The following LYPLAL1 variants were observed in gnomAD, a reference collection of about 807,000 sequenced individuals.
LYPLAL1 encodes lysophospholipase-like protein 1.
In LYPLAL1, 23 loss-of-function variants were observed where a neutral mutation model predicts 19.7. That is an observed-to-expected ratio of 1.17 (90% CI 0.84 to 1.65). The LOEUF (loss-of-function observed/expected upper bound fraction) is 1.65. Among genes scored for constraint, LYPLAL1 ranks in the 40% most tolerant of loss-of-function variants. The probability of loss-of-function intolerance (pLI) is 0.00; values close to 1 mark genes in which losing one functional copy is unlikely to be tolerated. For missense variants in LYPLAL1, 355 were observed against 279.4 expected (o/e 1.27, Z -1.93); for synonymous variants, 119 against 96.3 (o/e 1.24, Z -1.38).
At chr1:219,208,049 G>A (rs1658712929) in intron 3 of LYPLAL1, among the ~76,000 whole-genome samples, 2 of 151,962 alleles carry the variant, frequency 1.3e-5, no homozygotes, top group Non-Finnish European at 2.9e-5. Flanking sequence ...TTAACAGTGT[G>A]TTTGATTTTA....
the LYPLAL1 span, among the ~76,000 whole-genome samples, chr1:219,330,331 C>T: frequency 8.5e-5 from 13 of 152,262 alleles, no homozygotes; most frequent in South Asian, 2.5e-3. Flanking sequence ...TTTAATGCTG[C>T]TCTACAAGCA....
the LYPLAL1 span, among the ~76,000 whole-genome samples, chr1:219,255,778 C>CT: frequency 6.6e-6 from 1 of 151,802 alleles, no homozygotes; most frequent in African/African-American, 2.4e-5. Flanking sequence ...TTCCTAGAAT[C>CT]TAAGAGTATT....
At chr1:219,355,577 A>G in the LYPLAL1 span, among the ~76,000 whole-genome samples, 1 of 152,216 alleles carries the variant, frequency 6.6e-6, no homozygotes, top group East Asian at 1.9e-4. Context: ...AGAGTAAGGA[A>G]TATTACCAGA....
the LYPLAL1 span, among the ~76,000 whole-genome samples, chr1:219,330,220 TA>T: frequency 2.0e-5 from 3 of 152,316 alleles, no homozygotes; most frequent in South Asian, 6.2e-4. Flanking sequence ...CAAAAGCTAG[TA>T]AGCCACAGAA....
chr1:219,341,852 T>C, the LYPLAL1 span, among the ~76,000 whole-genome samples: 9 of 152,232 alleles, frequency 5.9e-5, no homozygotes, highest in African/African-American at 2.2e-4. Context: ...AAAAAGTTGA[T>C]TGAAATCTGA....
intron 1 of LYPLAL1, chr1:219,174,441 T>G: frequency 3.0e-6 from 1 of 329,246 alleles, no homozygotes; most frequent in Non-Finnish European, 4.5e-6. Flanking sequence ...TTAACTTAGA[T>G]ACTGTTTACA....
chr1:219,286,663 A>G, the LYPLAL1 span, among the ~76,000 whole-genome samples: 3 of 152,210 alleles, frequency 2.0e-5, no homozygotes, highest in African/African-American at 7.2e-5. Flanking sequence ...ACTGGTCAGA[A>G]CAAGTTACAT....
chr1:219,197,387 C>G lies in LYPLAL1; in HGVS notation c.361+4136C>G, dbSNP rs530040913. Among the ~76,000 whole-genome samples, 100 of 152,296 alleles carry G rather than the reference C, an allele frequency of 6.6e-4. 1 individual carries two copies. Among genetic ancestry groups the G allele is most frequent in the African/African-American group, 2.3e-3 (97 of 41,574 alleles). On this transcript the variant is annotated intron_variant, in intron 3 of 4. Coordinates refer to ENST00000366928, the MANE Select transcript of LYPLAL1 (RefSeq NM_138794.5). ...AAACAAACAGTGGGGAAAGGATTCC[C>G]TATTTAATAAATGGTGCTGAGTAAA...
the LYPLAL1 span, among the ~76,000 whole-genome samples, chr1:219,374,683 C>T: frequency 6.6e-6 from 1 of 151,910 alleles, no homozygotes; most frequent in African/African-American, 2.4e-5. Flanking sequence ...TAGACATAAT[C>T]TCTGACATTA....
the LYPLAL1 span, among the ~76,000 whole-genome samples, chr1:219,231,112 T>C: frequency 6.6e-6 from 1 of 152,232 alleles, no homozygotes; most frequent in Non-Finnish European, 1.5e-5. Context: ...AAATTAGTCC[T>C]TCTTGCTGGT....
the LYPLAL1 span, among the ~76,000 whole-genome samples, chr1:219,233,211 C>T: frequency 6.6e-5 from 10 of 152,226 alleles, no homozygotes; most frequent in South Asian, 8.3e-4. Context: ...TGACATGCTA[C>T]GACATGGATG....
the LYPLAL1 span, among the ~76,000 whole-genome samples, chr1:219,400,211 A>T: frequency 1.3e-5 from 2 of 151,612 alleles, no homozygotes; most frequent in Admixed American, 1.3e-4. Context: ...CCTGATGAAG[A>T]TCTGTTAGGA....
chr1:219,411,300 C>T, the LYPLAL1 span, among the ~76,000 whole-genome samples: 14 of 151,930 alleles, frequency 9.2e-5, no homozygotes, highest in East Asian at 2.0e-3. Context: ...CCAATCAGCA[C>T]TCTGTATCTA....
At chr1:219,440,012 TAC>T in the LYPLAL1 span, among the ~76,000 whole-genome samples, 14,804 of 100,622 alleles carry the variant, frequency 0.15, 912 homozygotes, top group South Asian at 0.21. Context: ...TATATATATA[TAC>T]ACACACACAC....
At chr1:219,210,419 T>C (rs1424751422) in intron 3 of LYPLAL1, 113 bp from the exon 4 acceptor site, 15 of 707,484 alleles carry the variant, frequency 2.1e-5, no homozygotes, top group Admixed American at 3.3e-5. Context: ...AATTTCTTTT[T>C]AGCATTCTCT....
intron 3 of LYPLAL1, among the ~76,000 whole-genome samples, chr1:219,199,042 C>T (rs1657850033): frequency 6.6e-6 from 1 of 152,110 alleles, no homozygotes; most frequent in Admixed American, 6.6e-5. Flanking sequence ...TTAAGCAGTT[C>T]TCTTCCCCAT....
At chr1:219,233,745 C>G in the LYPLAL1 span, among the ~76,000 whole-genome samples, 1 of 148,922 alleles carries the variant, frequency 6.7e-6, no homozygotes, top group Non-Finnish European at 1.5e-5. Context: ...GCACCCCAGT[C>G]TCAGTGACAG....
chr1:219,426,801 G>T, the LYPLAL1 span, among the ~76,000 whole-genome samples: 1 of 152,128 alleles, frequency 6.6e-6, no homozygotes, highest in South Asian at 2.1e-4. Context: ...TTTTTGCCAT[G>T]TTGGCCAGGC....
At chr1:219,269,619 T>C in the LYPLAL1 span, among the ~76,000 whole-genome samples, 1 of 151,894 alleles carries the variant, frequency 6.6e-6, no homozygotes, top group Non-Finnish European at 1.5e-5. Flanking sequence ...TATGCTAATA[T>C]AAAACAAAAA....
Sources: allele counts gnomAD v4.1 joint callset (sites outside exome capture counted in the v4.1 genomes callset), GRCh38; gene constraint gnomAD v4.1.1; transcripts MANE v1.5; gene names NCBI Gene and HGNC (gene_info 2026-07-23, HGNC 2026-07-21).